MYT1L: variants seen among roughly 807,000 people sequenced by gnomAD.
The protein encoded by MYT1L is myelin transcription factor 1 like.
In MYT1L, 12 loss-of-function variants were observed where a neutral mutation model predicts 126.7. The ratio of observed to expected loss-of-function variants is 0.09; its 90% CI spans 0.06 to 0.15. MYT1L has a LOEUF of 0.15. Among genes scored for constraint, MYT1L ranks in the 10% least tolerant of loss-of-function variants. The pLI is 1.00. For synonymous variants in MYT1L, 541 were observed against 604.2 expected, an observed-to-expected ratio of 0.90 and a Z score of 1.53; for missense variants, 979 against 1,585.2, an observed-to-expected ratio of 0.62 and a Z score of 6.49.
At chr2:1,982,034 C>T (rs954019089) in intron 5 of MYT1L, among the ~76,000 whole-genome samples, 2 of 152,142 alleles carry the variant, frequency 1.3e-5, no homozygotes, top group Admixed American at 6.5e-5. Flanking sequence ...GGCCACATCA[C>T]GTGGATTTGA....
chr2:2,192,330 A>C (rs1293874891), intron 2 of MYT1L, among the ~76,000 whole-genome samples: 1 of 152,208 alleles, frequency 6.6e-6, no homozygotes, highest in Non-Finnish European at 1.5e-5. Flanking sequence ...GTAACACGTA[A>C]AGTTTCTAGG....
At chr2:1,840,685 A>T in intron 20 of MYT1L, 75 bp downstream of exon 20, 1 of 1,060,174 alleles carries the variant, frequency 9.4e-7, no homozygotes, top group South Asian at 1.4e-5. Flanking sequence ...TTGTTGACAT[A>T]TACTTGCTTT....
chr2:2,077,672 G>A (rs2075366985), intron 3 of MYT1L, among the ~76,000 whole-genome samples: 1 of 152,178 alleles, frequency 6.6e-6, no homozygotes, highest in African/African-American at 2.4e-5. Flanking sequence ...ATAGAAAGTA[G>A]TGTGATGACA....
At chr2:2,245,672 T>C (rs150980829) in intron 2 of MYT1L, among the ~76,000 whole-genome samples, 577 of 151,660 alleles carry the variant, frequency 3.8e-3, no homozygotes, top group African/African-American at 0.013. Flanking sequence ...CTGAGGACGG[T>C]CTACCTCCTT....
At chr2:2,109,875 T>TATA (rs2079178183) in intron 3 of MYT1L, among the ~76,000 whole-genome samples, 1 of 63,874 alleles carries the variant, frequency 1.6e-5, no homozygotes, top group Non-Finnish European at 2.9e-5. Flanking sequence ...AGTGCTGATT[T>TATA]TATATATATA....
intron 3 of MYT1L, among the ~76,000 whole-genome samples, chr2:2,090,104 C>G (rs1201578708): frequency 6.6e-6 from 1 of 152,140 alleles, no homozygotes; most frequent in Non-Finnish European, 1.5e-5. Flanking sequence ...CCTATAAAGT[C>G]AGAGCAAACA....
At chr2:1,886,650 C>T (rs575320620) in intron 17 of MYT1L, 43 bp from the exon 18 acceptor site, 15 of 1,338,402 alleles carry the variant, frequency 1.1e-5, no homozygotes, top group East Asian at 5.3e-5. Context: ...AACTGCGAAG[C>T]GCGTAACTCC....
chr2:2,199,700 T>C (rs2148815035), intron 2 of MYT1L, among the ~76,000 whole-genome samples: 1 of 152,286 alleles, frequency 6.6e-6, no homozygotes, highest in African/African-American at 2.4e-5. Context: ...CCTTGGGTCT[T>C]ACTGATGGAG....
At chr2:1,851,545 T>C (rs920427191) in intron 19 of MYT1L, 96 bp downstream of exon 19, 3 of 1,228,358 alleles carry the variant, frequency 2.4e-6, no homozygotes, top group South Asian at 1.3e-5. Context: ...GCCCATGGTG[T>C]CAAACTTCGC....
At chr2:1,972,365 C>G (rs1333882689) in intron 8 of MYT1L, among the ~76,000 whole-genome samples, 1 of 151,328 alleles carries the variant, frequency 6.6e-6, no homozygotes, top group African/African-American at 2.4e-5. Context: ...GAAAAAAATG[C>G]AATTATTTTT....
At chr2:2,221,271 G>A (rs1348209262) in intron 2 of MYT1L, among the ~76,000 whole-genome samples, 1 of 152,074 alleles carries the variant, frequency 6.6e-6, no homozygotes, top group Non-Finnish European at 1.5e-5. Flanking sequence ...GATTTAGTCT[G>A]GGCACCTCTT....
intron 14 of MYT1L, 105 bp from the exon 15 acceptor site, chr2:1,892,392 G>A (rs2148879392): frequency 2.1e-6 from 3 of 1,444,836 alleles, no homozygotes; most frequent in Admixed American, 2.5e-5. Flanking sequence ...ACACAGCCGC[G>A]TGGGACGGCC....
intron 3 of MYT1L, among the ~76,000 whole-genome samples, chr2:2,135,481 T>C (rs1438079549): frequency 6.6e-6 from 1 of 152,240 alleles, no homozygotes; most frequent in Non-Finnish European, 1.5e-5. Flanking sequence ...GAGAACAGGC[T>C]AATACACTGT....
intron 3 of MYT1L, among the ~76,000 whole-genome samples, chr2:2,148,111 T>C (rs772752180): frequency 9.9e-5 from 15 of 152,160 alleles, no homozygotes; most frequent in Non-Finnish European, 2.1e-4. Flanking sequence ...CCAGTTCCAT[T>C]TCCCTGGTGC....
intron 1 of MYT1L, among the ~76,000 whole-genome samples, chr2:2,288,172 G>A (rs1196455834): frequency 1.3e-5 from 2 of 152,144 alleles, no homozygotes; most frequent in African/African-American, 2.4e-5. Flanking sequence ...TAATCCTCAC[G>A]ACCAGGTAGA....
At chr2:1,892,667 G>GCCCAGTCAAAT (rs1158773131) in intron 14 of MYT1L, among the ~76,000 whole-genome samples, 1 of 152,054 alleles carries the variant, frequency 6.6e-6, no homozygotes, top group Non-Finnish European at 1.5e-5. Context: ...GGGAATTCCA[G>GCCCAGTCAAAT]CCCAGTCAAA....
Position 1,912,568 on chromosome 2 carries a change from G to A in MYT1L, c.1619-458C>T, listed in dbSNP as rs895459841. ...CTGGGGATTTTAAAAACATGCCTGT[G>A]CTTTGGAAACACACAGCATTATGAA... On this transcript the variant is annotated intron_variant, in intron 11 of 24. Transcript: ENST00000647738. The surrounding 1 kb of genome is among the most constrained non-coding windows in gnomAD (Gnocchi z 4.3). Among the ~76,000 whole-genome samples, 2 of 152,204 alleles carry A rather than the reference G, an allele frequency of 1.3e-5. No individual in the cohort carries two copies. The highest frequency in any genetic ancestry group is 2.9e-5 in the Non-Finnish European group (2 of 68,032).
At chr2:2,203,937 A>G (rs1463992019) in intron 2 of MYT1L, among the ~76,000 whole-genome samples, 1 of 152,206 alleles carries the variant, frequency 6.6e-6, no homozygotes, top group Non-Finnish European at 1.5e-5. Flanking sequence ...AAGAGAACAG[A>G]GCCCTCAGAA....
intron 1 of MYT1L, among the ~76,000 whole-genome samples, chr2:2,308,642 AC>A (rs1371280868): frequency 2.0e-5 from 3 of 151,396 alleles, no homozygotes; most frequent in East Asian, 3.9e-4. Flanking sequence ...ACCTACCTAT[AC>A]TTCACCTACA....
Sources: allele counts gnomAD v4.1 joint callset (sites outside exome capture counted in the v4.1 genomes callset), GRCh38; gene constraint gnomAD v4.1.1; non-coding constraint Gnocchi (gnomAD v3.1); transcripts MANE v1.5; gene names NCBI Gene and HGNC (gene_info 2026-07-23, HGNC 2026-07-21).